ZNF90: variants seen among roughly 807,000 people sequenced by gnomAD.
The protein encoded by ZNF90 is zinc finger protein 90.
ZNF90 carries 11 observed loss-of-function variants against 12.0 expected under a neutral mutation model. The ratio of observed to expected loss-of-function variants is 0.92; its 90% CI spans 0.58 to 1.52. The LOEUF (loss-of-function observed/expected upper bound fraction) is 1.52, where lower values mean the gene tolerates loss of function less well. Ranked by LOEUF, ZNF90 falls within the 40% of genes most tolerant of loss-of-function variation. The pLI is 0.00. For missense variants in ZNF90, 765 were observed against 711.5 expected, an observed-to-expected ratio of 1.08 and a Z score of -0.86; for synonymous variants, 232 against 240.1, an observed-to-expected ratio of 0.97 and a Z score of 0.31.
chr19:20,092,348 C>T (rs2088909353), intron 1 of ZNF90, among the ~76,000 whole-genome samples: 1 of 152,140 alleles, frequency 6.6e-6, no homozygotes, highest in South Asian at 2.1e-4. Flanking sequence ...TGATGGCCAG[C>T]CTAAAACAGT....
chr19:20,078,001 A>G lies in ZNF90; in HGVS notation c.-132A>G, dbSNP rs1408714133. On this transcript the variant is annotated 5_prime_UTR_variant, in exon 1 of 4. Transcript: ENST00000418063. ...GAAGGCTTTCGGGTTTGGCGCGGCC[A>G]TTTGTCTCTTGCTGCAGCTGGTGCT... 2.4e-6 allele frequency: 3 copies of G among 1,227,052 alleles called. No homozygotes were observed. Among genetic ancestry groups the G allele is most frequent in the African/African-American group, 1.5e-5 (1 of 67,056 alleles). 76.0% of individuals were successfully genotyped at this position (1,227,052 alleles called of 1,614,324 possible). A position where few individuals can be genotyped will look rare whatever the true frequency, so the allele number is the denominator to read the frequency against.
chr19:20,117,801 C>G lies in ZNF90; in HGVS notation c.247C>G (p.Gln83Glu). The change falls in exon 4 of 4, where the codon CAA (glutamine) becomes GAA (glutamate). Residue 83 changes from glutamine (Q) to glutamate (E), a missense_variant. Transcript: ENST00000418063. ...TTCAGTTATGTGTTTTCATTTTGCC[C>G]AAGACCTTTGTCCAGAGCAGAGCCT... ...KSPVMCFHFAQDLCPEQSLKD... is the reference protein window; with the variant it reads ...KSPVMCFHFAEDLCPEQSLKD... 1.3e-6 allele frequency: 2 copies of G among 1,539,730 alleles called. No individual in the cohort carries two copies. The highest frequency in any genetic ancestry group is 1.7e-6 in the Non-Finnish European group (2 of 1,149,262).
rs782777256 is a variant in ZNF90, at chr19:20,118,847, C to T, written c.1293C>T (p.Asp431=). The change falls in exon 4 of 4, where the codon GAC becomes GAT. Residue 431 remains aspartate, a synonymous_variant. Transcript: ENST00000418063. ...EEKPYKCQEC[D]KVFKRSSALS... is the part of the protein sequence containing the mutation. ...AACCCTACAAATGTCAAGAATGTGA[C>T]AAAGTCTTCAAACGCTCCTCAGCCC... 3.1e-6 allele frequency: 5 copies of T among 1,605,410 alleles called. No homozygotes were observed. The highest frequency in any genetic ancestry group is 4.3e-6 in the Non-Finnish European group (5 of 1,175,830).
chr19:20,089,568 C>T (rs1312238728), intron 1 of ZNF90, among the ~76,000 whole-genome samples: 1 of 151,932 alleles, frequency 6.6e-6, no homozygotes, highest in African/African-American at 2.4e-5. Context: ...AAAGGAGTGG[C>T]CACTGGAATA....
rs571829613 is a variant in ZNF90, at chr19:20,118,880, A to C, written c.1326A>C (p.Thr442=). The change falls in exon 4 of 4, where the codon ACA becomes ACC. Residue 442 remains threonine, a synonymous_variant. Transcript: ENST00000418063. The part of the protein sequence containing the change: ...KVFKRSSALS[T]HKIIHSGEKP... Reference sequence around the variant, plus strand: ...TCAAACGCTCCTCAGCCCTTAGCACACATAAGATAATTCATAGTGGAGAGA... The same window carrying C: ...TCAAACGCTCCTCAGCCCTTAGCACCCATAAGATAATTCATAGTGGAGAGA... The C allele has an allele frequency of 6.2e-6, 10 of 1,611,702 alleles. No homozygotes were observed. In the African/African-American group the frequency reaches 1.3e-4, roughly 22 times the overall value.
At chr19:20,080,161 C>A in intron 1 of ZNF90, 3 of 440,670 alleles carry the variant, frequency 6.8e-6, no homozygotes, top group South Asian at 5.6e-5. Flanking sequence ...AATTGCAGGT[C>A]AGCAAGAATT....
At chr19:20,094,058 C>T (rs2088923682) in intron 1 of ZNF90, among the ~76,000 whole-genome samples, 1 of 152,182 alleles carries the variant, frequency 6.6e-6, no homozygotes, top group African/African-American at 2.4e-5. Context: ...TTCCTTGGCC[C>T]AGTGGCCAGA....
chr19:20,114,600 GTAT>G (rs1555705470), intron 3 of ZNF90, among the ~76,000 whole-genome samples: 3 of 151,936 alleles, frequency 2.0e-5, no homozygotes, highest in African/African-American at 4.8e-5. Context: ...TTAATTATTT[GTAT>G]TATTATTTTA....
intron 1 of ZNF90, among the ~76,000 whole-genome samples, chr19:20,097,876 CAA>C (rs1482706698): frequency 3.3e-5 from 5 of 152,180 alleles, no homozygotes; most frequent in African/African-American, 1.2e-4. Flanking sequence ...TAAACCATAA[CAA>C]TATATATCTA....
intron 1 of ZNF90, among the ~76,000 whole-genome samples, chr19:20,096,504 G>A (rs1430311815): frequency 1.3e-5 from 2 of 152,072 alleles, no homozygotes; most frequent in Admixed American, 1.3e-4. Flanking sequence ...ACAGTCAAAG[G>A]GGGTTTGTTC....
chr19:20,104,968 T>C (rs535534088), intron 2 of ZNF90, among the ~76,000 whole-genome samples: 1 of 152,206 alleles, frequency 6.6e-6, no homozygotes, highest in African/African-American at 2.4e-5. Context: ...CACACCAGCC[T>C]GGGTAACAAG....
chr19:20,107,557 A>T (rs1227814680), intron 3 of ZNF90, among the ~76,000 whole-genome samples: 3 of 152,210 alleles, frequency 2.0e-5, no homozygotes, highest in Non-Finnish European at 2.9e-5. Flanking sequence ...GCAGTTCTGT[A>T]ACCTTAATGT....
Position 20,106,518 on chromosome 19 carries a change from G to A in ZNF90, c.226+1202G>A, listed in dbSNP as rs541194094. Among the ~76,000 whole-genome samples the A allele has an allele frequency of 3.3e-5, 5 of 152,230 alleles. 1 individual carries two copies. The highest frequency in any genetic ancestry group is 1.2e-4 in the African/African-American group (5 of 41,530). ...CACCCAGGCTGGAGTGCAGTGGCGCGATTTCGCTCATTGCAAGCTCCGCCT... is the reference window on the plus strand; with the variant it reads ...CACCCAGGCTGGAGTGCAGTGGCGCAATTTCGCTCATTGCAAGCTCCGCCT... On this transcript the variant is annotated intron_variant, in intron 3 of 3. Coordinates refer to ENST00000418063, the MANE Select transcript of ZNF90 (RefSeq NM_007138.2).
chr19:20,094,476 C>CT (rs375678376), intron 1 of ZNF90, among the ~76,000 whole-genome samples: 1 of 152,178 alleles, frequency 6.6e-6, no homozygotes, highest in African/African-American at 2.4e-5. Flanking sequence ...TGGGTAGTTT[C>CT]TTTAAGTTTG....
At chr19:20,114,987 G>A (rs2122524836) in intron 3 of ZNF90, among the ~76,000 whole-genome samples, 1 of 152,058 alleles carries the variant, frequency 6.6e-6, no homozygotes, top group Admixed American at 6.6e-5. Flanking sequence ...ATACACACAT[G>A]GATAAACAAA....
chr19:20,093,875 T>C (rs1037541365), intron 1 of ZNF90, among the ~76,000 whole-genome samples: 1 of 139,618 alleles, frequency 7.2e-6, no homozygotes, highest in African/African-American at 2.5e-5. Context: ...GATCGGGCAA[T>C]GTCAATCTTC....
At chr19:20,113,347 C>T (rs573931203) in intron 3 of ZNF90, among the ~76,000 whole-genome samples, 36 of 152,100 alleles carry the variant, frequency 2.4e-4, no homozygotes, top group African/African-American at 8.7e-4. Flanking sequence ...TGCACTACAA[C>T]GCCCGCCTAA....
At chr19:20,094,787 T>C (rs150413673) in intron 1 of ZNF90, among the ~76,000 whole-genome samples, 15 of 151,462 alleles carry the variant, frequency 9.9e-5, no homozygotes, top group Non-Finnish European at 1.5e-4. Flanking sequence ...TTCCTGTGTA[T>C]ATTTAGTGGG....
At chr19:20,091,041 G>A (rs1290679539) in intron 1 of ZNF90, among the ~76,000 whole-genome samples, 1 of 152,166 alleles carries the variant, frequency 6.6e-6, no homozygotes, top group African/African-American at 2.4e-5. Context: ...ATAGAGGTGG[G>A]AAGGCCAAAC....
Sources: gnomAD v4.1 joint callset for allele counts (sites outside exome capture counted in the v4.1 genomes callset) on GRCh38, gnomAD v4.1.1 for gene constraint, MANE v1.5 for transcripts, NCBI Gene and HGNC (gene_info 2026-07-23, HGNC 2026-07-21) for gene names.